The following STPG2 variants were observed in gnomAD, a reference collection of about 807,000 sequenced individuals.
The protein encoded by STPG2 is sperm-tail PG-rich repeat-containing protein 2.
STPG2 carries 56 observed loss-of-function variants against 54.2 expected under a neutral mutation model. That is an observed-to-expected ratio of 1.03 (90% CI 0.83 to 1.29). STPG2 has a LOEUF of 1.29. Among genes scored for constraint, STPG2 ranks in the 50% most tolerant of loss-of-function variants. The probability of loss-of-function intolerance (pLI) is 0.00; values close to 1 mark genes in which losing one functional copy is unlikely to be tolerated. For missense variants in STPG2, 596 were observed against 544.9 expected (o/e 1.09, Z -0.93); for synonymous variants, 200 against 181.8 (o/e 1.10, Z -0.81).
At chr4:98,124,073 C>A (rs1028421978) in intron 3 of STPG2, among the ~76,000 whole-genome samples, 4 of 152,150 alleles carry the variant, frequency 2.6e-5, no homozygotes, top group African/African-American at 9.7e-5. Flanking sequence ...CTGTGTGTGT[C>A]TTTGCCTGAG....
intron 10 of STPG2, among the ~76,000 whole-genome samples, chr4:97,661,385 G>A (rs1398224410): frequency 1.3e-5 from 2 of 152,094 alleles, no homozygotes; most frequent in Non-Finnish European, 2.9e-5. Context: ...CTGCATGATT[G>A]TTTTAGGATT....
intron 10 of STPG2, among the ~76,000 whole-genome samples, chr4:97,580,156 T>C (rs1732827398): frequency 6.6e-6 from 1 of 151,968 alleles, no homozygotes; most frequent in Non-Finnish European, 1.5e-5. Context: ...ACTATAAGAA[T>C]TAGGTAGCTC....
chr4:97,550,077 A>G (rs148986624), intron 4 of STPG2, among the ~76,000 whole-genome samples: 1 of 152,310 alleles, frequency 6.6e-6, no homozygotes, highest in East Asian at 1.9e-4. Context: ...ATTTTTAACT[A>G]TAAACTAGCA....
chr4:97,715,573 A>G (rs1471787626), intron 9 of STPG2, among the ~76,000 whole-genome samples: 1 of 152,186 alleles, frequency 6.6e-6, no homozygotes, highest in Non-Finnish European at 1.5e-5. Context: ...CAGAAAAAAA[A>G]ACTTCTATAA....
chr4:97,490,924 C>T (rs996721044), intron 4 of STPG2, among the ~76,000 whole-genome samples: 4 of 151,584 alleles, frequency 2.6e-5, no homozygotes, highest in African/African-American at 4.8e-5. Context: ...AACCCATTTA[C>T]AGCATAAGGA....
At position 97,520,084 on chromosome 4, in the gene STPG2, T is replaced by C. The variant is rs904171080; in HGVS notation, c.462+192615A>G. On this transcript the variant is annotated intron_variant, in intron 4 of 4. Transcript: ENST00000522676. ...TACATACAAAGTGGGGGAAAAACCATAAGAAGAGTAAAGCTTTTGTGTAAG... is the reference window on the plus strand; with the variant it reads ...TACATACAAAGTGGGGGAAAAACCACAAGAAGAGTAAAGCTTTTGTGTAAG... Among the ~76,000 whole-genome samples the C allele has an allele frequency of 3.3e-5, 5 of 151,952 alleles. 1 individual carries two copies. Among genetic ancestry groups the C allele is most frequent in the Admixed American group, 3.3e-4 (5 of 15,210 alleles).
At chr4:98,119,528 T>A (rs1007405270) in intron 3 of STPG2, among the ~76,000 whole-genome samples, 6 of 152,090 alleles carry the variant, frequency 3.9e-5, no homozygotes, top group African/African-American at 1.4e-4. Flanking sequence ...ACAATTGAGG[T>A]AATTAGCAAT....
chr4:98,037,614 G>A (rs566932984), intron 5 of STPG2, among the ~76,000 whole-genome samples: 114 of 151,938 alleles, frequency 7.5e-4, no homozygotes, highest in Non-Finnish European at 9.3e-4. Flanking sequence ...AAGGGAAAGA[G>A]GAAAGGAGTA....
chr4:97,519,139 A>C (rs1731132003), intron 4 of STPG2, among the ~76,000 whole-genome samples: 1 of 152,180 alleles, frequency 6.6e-6, no homozygotes, highest in Non-Finnish European at 1.5e-5. Flanking sequence ...ATAATTACAG[A>C]GCTGCCAATA....
At chr4:97,638,726 C>CA (rs1382136464) in intron 10 of STPG2, among the ~76,000 whole-genome samples, 2 of 147,148 alleles carry the variant, frequency 1.4e-5, no homozygotes, top group Non-Finnish European at 3.0e-5. Flanking sequence ...TTTATGCAGC[C>CA]AAAAAACACA....
At chr4:97,668,907 G>A (rs1393402785) in intron 10 of STPG2, among the ~76,000 whole-genome samples, 1 of 152,018 alleles carries the variant, frequency 6.6e-6, no homozygotes, top group Non-Finnish European at 1.5e-5. Flanking sequence ...GTATAAAACT[G>A]ATAATAAAGG....
chr4:97,717,786 C>T (rs929809803), intron 9 of STPG2, among the ~76,000 whole-genome samples: 6 of 152,080 alleles, frequency 3.9e-5, no homozygotes, highest in Admixed American at 3.9e-4. Flanking sequence ...GATAATCACC[C>T]TTCACCTAAA....
chr4:97,565,388 T>C (rs1560663325), intron 10 of STPG2, among the ~76,000 whole-genome samples: 2 of 152,210 alleles, frequency 1.3e-5, no homozygotes, highest in Admixed American at 6.5e-5. Context: ...AATTTCCTCC[T>C]GTAGCTCGGA....
intron 10 of STPG2, among the ~76,000 whole-genome samples, chr4:97,581,902 C>T: frequency 6.6e-6 from 1 of 151,794 alleles, no homozygotes; most frequent in Non-Finnish European, 1.5e-5. Flanking sequence ...GCCATAAATT[C>T]CTGTTTCCTA....
At chr4:98,023,151 T>C (rs531981228) in intron 5 of STPG2, among the ~76,000 whole-genome samples, 9 of 152,202 alleles carry the variant, frequency 5.9e-5, no homozygotes, top group Non-Finnish European at 8.8e-5. Flanking sequence ...TGTGGTTTCA[T>C]CTACTTTTGG....
intron 10 of STPG2, among the ~76,000 whole-genome samples, chr4:97,678,252 G>A (rs1722916621): frequency 6.6e-6 from 1 of 151,946 alleles, no homozygotes; most frequent in Non-Finnish European, 1.5e-5. Flanking sequence ...GGCCAGTAAT[G>A]AGCACACATA....
intron 8 of STPG2, among the ~76,000 whole-genome samples, chr4:97,923,828 A>G (rs184135498): frequency 1.5e-3 from 234 of 152,350 alleles, no homozygotes; most frequent in African/African-American, 5.5e-3. Flanking sequence ...TTTTATGTCT[A>G]GCTCAGGGAT....
intron 10 of STPG2, among the ~76,000 whole-genome samples, chr4:97,607,412 A>G (rs1205040063): frequency 2.0e-5 from 3 of 152,238 alleles, no homozygotes; most frequent in South Asian, 4.1e-4. Flanking sequence ...AACTTGTTCC[A>G]TAACTCTTGG....
chr4:97,980,210 T>A (rs1337601451), intron 6 of STPG2, among the ~76,000 whole-genome samples: 2 of 152,124 alleles, frequency 1.3e-5, no homozygotes, highest in Non-Finnish European at 2.9e-5. Flanking sequence ...TAAAAAATGA[T>A]CCTGGAGTTT....
Sources: allele counts gnomAD v4.1 joint callset (sites outside exome capture counted in the v4.1 genomes callset), GRCh38; gene constraint gnomAD v4.1.1; transcripts MANE v1.5; gene names NCBI Gene and HGNC (gene_info 2026-07-23, HGNC 2026-07-21).